The following EYA2 variants were observed in gnomAD, a reference collection of about 807,000 sequenced individuals.
EYA2 encodes the protein protein phosphatase EYA2.
In EYA2, 31 loss-of-function variants were observed where a neutral mutation model predicts 69.2. That is an observed-to-expected ratio of 0.45 (90% CI 0.34 to 0.60). The LOEUF (loss-of-function observed/expected upper bound fraction) is 0.60. Ranked by LOEUF, EYA2 falls within the 20% of genes least tolerant of loss-of-function variation. The pLI, the probability that EYA2 is intolerant of heterozygous loss-of-function variation, is 0.02. For missense variants in EYA2, 622 were observed against 701.2 expected, an observed-to-expected ratio of 0.89 and a Z score of 1.28; for synonymous variants, 257 against 279.4, an observed-to-expected ratio of 0.92 and a Z score of 0.80.
intron 1 of EYA2, among the ~76,000 whole-genome samples, chr20:46,984,360 T>C (rs1981040646): frequency 6.8e-6 from 1 of 147,854 alleles, no homozygotes; most frequent in African/African-American, 2.5e-5. Flanking sequence ...GACTCTGTAA[T>C]GCACTCCAGC....
At chr20:46,915,218 G>A (rs113377538) in intron 1 of EYA2, among the ~76,000 whole-genome samples, 3 of 152,140 alleles carry the variant, frequency 2.0e-5, no homozygotes, top group Non-Finnish European at 4.4e-5. Context: ...GGGCTGCCAC[G>A]TTTTTTCCTG....
chr20:46,973,777 G>T (rs13043269), intron 1 of EYA2, among the ~76,000 whole-genome samples: 1 of 150,126 alleles, frequency 6.7e-6, no homozygotes, highest in African/African-American at 2.4e-5. Context: ...CTATGAAGCC[G>T]TCTGACCAAA....
At chr20:47,150,460 C>T (rs1175991802) in intron 10 of EYA2, among the ~76,000 whole-genome samples, 2 of 152,022 alleles carry the variant, frequency 1.3e-5, no homozygotes, top group African/African-American at 4.8e-5. Flanking sequence ...CCAGGCACAG[C>T]GGCTTCCTTT....
chr20:46,924,930 G>A (rs932653178), intron 1 of EYA2, among the ~76,000 whole-genome samples: 6 of 152,162 alleles, frequency 3.9e-5, no homozygotes, highest in South Asian at 4.1e-4. Flanking sequence ...TACTCTCTCC[G>A]GAGGTGGAAG....
At chr20:47,013,685 A>G (rs949069617) in intron 4 of EYA2, among the ~76,000 whole-genome samples, 1 of 152,086 alleles carries the variant, frequency 6.6e-6, no homozygotes, top group African/African-American at 2.4e-5. Flanking sequence ...GAAGGAGCCC[A>G]GGAAAGGCAG....
intron 5 of EYA2, among the ~76,000 whole-genome samples, chr20:47,029,696 G>A (rs1438534195): frequency 6.6e-6 from 1 of 152,066 alleles, no homozygotes; most frequent in African/African-American, 2.4e-5. Context: ...CAAGCTCCTT[G>A]CCTACTCACT....
chr20:47,072,123 C>G, intron 5 of EYA2, 62 bp from the exon 6 acceptor site: 1 of 1,475,008 alleles, frequency 6.8e-7, no homozygotes, highest in Non-Finnish European at 9.5e-7. Flanking sequence ...ATGCTAACAA[C>G]TGCTTTAAAG....
At position 47,037,981 on chromosome 20, in the gene EYA2, T is replaced by C. The variant is rs114116811; in HGVS notation, c.415+21684T>C. Among the ~76,000 whole-genome samples the C allele has an allele frequency of 4.6e-3, 698 of 152,326 alleles. 8 individuals carry two copies. The highest frequency in any genetic ancestry group is 0.016 in the African/African-American group (651 of 41,580). On this transcript the variant is annotated intron_variant, in intron 5 of 15. Transcript: ENST00000327619. ...TCAACAAGTATTTATTCACAGCATCTGCTGTGCAGCAGAATTAGGATTTAC... is the reference window on the plus strand; with the variant it reads ...TCAACAAGTATTTATTCACAGCATCCGCTGTGCAGCAGAATTAGGATTTAC...
intron 2 of EYA2, among the ~76,000 whole-genome samples, chr20:46,991,664 G>C (rs1981666443): frequency 6.6e-6 from 1 of 152,106 alleles, no homozygotes; most frequent in Non-Finnish European, 1.5e-5. Flanking sequence ...TGGAGTTCTG[G>C]TTTATCTTAA....
chr20:47,090,028 T>A (rs944840075), intron 8 of EYA2, among the ~76,000 whole-genome samples: 2 of 151,844 alleles, frequency 1.3e-5, no homozygotes, highest in African/African-American at 4.8e-5. Flanking sequence ...GGATTCTGAC[T>A]TCTCAGAAAG....
intron 5 of EYA2, among the ~76,000 whole-genome samples, chr20:47,023,980 A>G (rs185243576): frequency 1.4e-4 from 22 of 151,998 alleles, no homozygotes; most frequent in Non-Finnish European, 2.5e-4. Context: ...AACATGTCCA[A>G]TCTTTCTTCT....
rs2146685737 is a variant in EYA2 at position 47,188,036 on chromosome 20, G to C, written c.1537-17G>C. ...GGGGCGGGGCCATAACCTTGTGGCTGGTGTTCTGTGTTTCAGCACAACATG... is the reference window on the plus strand; with the variant it reads ...GGGGCGGGGCCATAACCTTGTGGCTCGTGTTCTGTGTTTCAGCACAACATG... On this transcript the variant is annotated splice_polypyrimidine_tract_variant and intron_variant, in intron 15 of 15. Coordinates refer to ENST00000327619, the MANE Select transcript of EYA2 (RefSeq NM_005244.5). 2 of 1,557,650 alleles carry C rather than the reference G, an allele frequency of 1.3e-6. No homozygotes were observed. The highest frequency in any genetic ancestry group is 4.8e-5 in the East Asian group (2 of 41,566).
In EYA2 at chr20:47,185,276, C is replaced by CT. The variant is rs765083065; in HGVS notation, c.1536+1927dup. On this transcript the variant is annotated intron_variant, in intron 15 of 15. Transcript: ENST00000327619. Reference sequence around the variant, plus strand: ...CTCTCCCAGAAAAATGAATCACACTCTTTTTTTTTTTTTTTTTTTTTTTTT... The same window carrying CT: ...CTCTCCCAGAAAAATGAATCACACTCTTTTTTTTTTTTTTTTTTTTTTTTTT... Among the ~76,000 whole-genome samples the CT allele has an allele frequency of 5.1e-3, 287 of 55,926 alleles. 37 individuals are homozygous for CT. Among genetic ancestry groups the CT allele is most frequent in the Middle Eastern group, 0.023 (1 of 44 alleles). 36.7% of individuals were successfully genotyped at this position (55,926 alleles called of 152,430 possible). A position where few individuals can be genotyped will look rare whatever the true frequency, so the allele number is the denominator to read the frequency against.
intron 1 of EYA2, among the ~76,000 whole-genome samples, chr20:46,951,633 C>T (rs1978802347): frequency 1.3e-5 from 2 of 152,210 alleles, no homozygotes; most frequent in African/African-American, 4.8e-5. Context: ...AGTAATAAAA[C>T]CACTCTCAGG....
chr20:47,092,319 C>T (rs940156370), intron 8 of EYA2, among the ~76,000 whole-genome samples: 2 of 152,140 alleles, frequency 1.3e-5, no homozygotes, highest in African/African-American at 2.4e-5. Flanking sequence ...ATTCTTAGTC[C>T]AGGGAATTCT....
chr20:46,981,092 G>A (rs532824077), intron 1 of EYA2, among the ~76,000 whole-genome samples: 35 of 152,258 alleles, frequency 2.3e-4, no homozygotes, highest in Middle Eastern at 3.4e-3. Context: ...ATGATTTCAC[G>A]TTTTCTTGGT....
At chr20:47,166,415 A>T (rs1461499317) in intron 10 of EYA2, among the ~76,000 whole-genome samples, 19 of 141,790 alleles carry the variant, frequency 1.3e-4, no homozygotes, top group African/African-American at 3.8e-4. Flanking sequence ...AAAAAAAAAA[A>T]AAAAAAAAAA....
chr20:47,162,357 T>G (rs1313047839), intron 10 of EYA2, among the ~76,000 whole-genome samples: 1 of 152,126 alleles, frequency 6.6e-6, no homozygotes, highest in African/African-American at 2.4e-5. Flanking sequence ...ATATAGAAAG[T>G]GCTGGCCATA....
chr20:47,188,164 C>T lies in EYA2; in HGVS notation c.*31C>T. On this transcript the variant is annotated 3_prime_UTR_variant, in exon 16 of 16. Coordinates refer to ENST00000327619, the MANE Select transcript of EYA2 (RefSeq NM_005244.5). Reference sequence around the variant, plus strand: ...TCAGCAGCATCTCCACCTGCCATCTCACCCTCAGACCCCCTCGCCTTCCCC... The same window carrying T: ...TCAGCAGCATCTCCACCTGCCATCTTACCCTCAGACCCCCTCGCCTTCCCC... The T allele has an allele frequency of 1.3e-6, 2 of 1,545,662 alleles. No individual in the cohort carries two copies. Among genetic ancestry groups the T allele is most frequent in the East Asian group, 2.4e-5 (1 of 41,400 alleles).
Sources: allele counts gnomAD v4.1 joint callset (sites outside exome capture counted in the v4.1 genomes callset), GRCh38; gene constraint gnomAD v4.1.1; transcripts MANE v1.5; gene names NCBI Gene and HGNC (gene_info 2026-07-23, HGNC 2026-07-21).